Variants in MAGED1 observed in about 807,000 individuals in gnomAD.
MAGED1 encodes the protein MAGE family member D1.
Under a neutral mutation model 54.1 loss-of-function variants are expected in MAGED1, and 3 were observed. The observed-to-expected ratio is 0.06, with a 90% confidence interval of 0.03 to 0.14. MAGED1 has a LOEUF of 0.14. Ranked by LOEUF, MAGED1 falls within the 10% of genes least tolerant of loss-of-function variation. The pLI is 1.00. For synonymous variants in MAGED1, 217 were observed against 227.3 expected (o/e 0.95, Z 0.41); for missense variants, 485 against 623.4 (o/e 0.78, Z 2.36).
intron 1 of MAGED1, among the ~76,000 whole-genome samples, chrX:51,886,828 G>T (rs1375126724): frequency 9.0e-6 from 1 of 110,857 alleles, no homozygotes; most frequent in African/African-American, 3.3e-5. Context: ...GCTGAGGCGG[G>T]AGCAATCACT....
rs782683673 is a variant in MAGED1, at chrX:51,895,664, T to C, written c.657T>C (p.Ser219=). ...ACATAGAGACCGACCCAGGTATCTC[T>C]GAACCTGACGGTGCAACTGCACAGA... is the stretch of plus-strand genomic sequence containing the variant. The part of the protein sequence containing the change: ...QADIETDPGI[S]EPDGATAQTS... Residue 219 remains serine, a synonymous_variant, in exon 3 of 13, where the codon TCT becomes TCC. Transcript: ENST00000326587. 12 of 1,206,221 alleles carry C rather than the reference T, an allele frequency of 9.9e-6. No homozygotes were observed. In the Admixed American group the frequency reaches 2.6e-4, roughly 27 times the overall value.
At chrX:51,824,823 C>CAT (rs1303654415) in intron 1 of MAGED1, among the ~76,000 whole-genome samples, 18 of 73,302 alleles carry the variant, frequency 2.5e-4, no homozygotes, top group East Asian at 8.2e-4. Context: ...TGTATATATA[C>CAT]ATATATATAT....
At chrX:51,875,042 T>C (rs1167528086) in intron 1 of MAGED1, among the ~76,000 whole-genome samples, 1 of 111,083 alleles carries the variant, frequency 9.0e-6, no homozygotes, top group African/African-American at 3.3e-5. Flanking sequence ...TAAAGCTAAT[T>C]ATCCCTGACT....
At chrX:51,896,179 A>G in intron 3 of MAGED1, 1 of 426,065 alleles carries the variant, frequency 2.3e-6, no homozygotes, top group Admixed American at 4.2e-5. Context: ...CCAGTGGTGG[A>G]CATAGGAAGA....
chrX:51,849,841 T>G (rs1346241865), intron 1 of MAGED1, among the ~76,000 whole-genome samples: 2 of 111,983 alleles, frequency 1.8e-5, no homozygotes, highest in Admixed American at 9.5e-5. Flanking sequence ...TTTGGTTTAT[T>G]TATGTAATTT....
In MAGED1 at chrX:51,897,797, A is replaced by G. The variant is rs1557364483; in HGVS notation, c.1569A>G (p.Lys523=). 8.3e-7 allele frequency: 1 copy of G among 1,198,219 alleles called. No individual in the cohort carries two copies. The highest frequency in any genetic ancestry group is 1.1e-6 in the Non-Finnish European group (1 of 884,745). The change falls in exon 7 of 13, where the codon AAA becomes AAG. Residue 523 remains lysine, a splice_region_variant and synonymous_variant. Transcript: ENST00000326587. ...AGTCTGTTTTCTTGCCCCTGTAGAA[A>G]TTTGGGATTCAACTGAAAGAAATTG... is the stretch of plus-strand genomic sequence containing the variant. ...IERACFVLEK[K]FGIQLKEIDK... is the part of the protein sequence containing the mutation.
At chrX:51,815,726 G>A (rs945026136) in intron 1 of MAGED1, among the ~76,000 whole-genome samples, 2 of 109,826 alleles carry the variant, frequency 1.8e-5, no homozygotes, top group Non-Finnish European at 3.8e-5. Context: ...TCTCCATGTT[G>A]GTCAGGCTGG....
intron 1 of MAGED1, among the ~76,000 whole-genome samples, chrX:51,861,019 G>C (rs782800783): frequency 1.8e-5 from 2 of 110,784 alleles, no homozygotes; most frequent in Non-Finnish European, 3.8e-5. Flanking sequence ...CAAATGTAAA[G>C]CTCCTCTTCG....
At chrX:51,814,730 A>G (rs782189515) in intron 1 of MAGED1, among the ~76,000 whole-genome samples, 7 of 110,972 alleles carry the variant, frequency 6.3e-5, no homozygotes, top group South Asian at 3.9e-4. Context: ...TTGTAGTGCA[A>G]TGCGTTACTC....
At chrX:51,839,297 A>T (rs1486708088) in intron 1 of MAGED1, among the ~76,000 whole-genome samples, 1 of 111,971 alleles carries the variant, frequency 8.9e-6, no homozygotes, top group Non-Finnish European at 1.9e-5. Flanking sequence ...ATTTAAAGTT[A>T]CTAGTGTGTC....
chrX:51,857,259 A>G (rs782047281), intron 1 of MAGED1: 5 of 111,839 alleles, frequency 4.5e-5, no homozygotes, highest in Non-Finnish European at 7.5e-5. Flanking sequence ...GGGTAGAAAA[A>G]CTTTCCCAAT....
chrX:51,889,027 G>T (rs1311770789), upstream of MAGED1, among the ~76,000 whole-genome samples: 1 of 111,337 alleles, frequency 9.0e-6, no homozygotes, highest in African/African-American at 3.3e-5. Flanking sequence ...AATCTTTGTG[G>T]TGATGAAATA....
intron 1 of MAGED1, among the ~76,000 whole-genome samples, chrX:51,826,850 C>A (rs1268196543): frequency 1.8e-5 from 2 of 112,285 alleles, no homozygotes; most frequent in East Asian, 2.8e-4. Flanking sequence ...TGTAGTCTTA[C>A]CATATGATCC....
At chrX:51,864,837 A>G (rs1927407514) in intron 1 of MAGED1, among the ~76,000 whole-genome samples, 1 of 111,868 alleles carries the variant, frequency 8.9e-6, no homozygotes, top group Non-Finnish European at 1.9e-5. Flanking sequence ...TATTAGTTCT[A>G]ATAGTTTGTT....
At chrX:51,851,594 T>A (rs1926892999) in intron 1 of MAGED1, among the ~76,000 whole-genome samples, 1 of 109,930 alleles carries the variant, frequency 9.1e-6, no homozygotes. Context: ...TGTGGTCTCT[T>A]TCTCTCTTTT....
chrX:51,883,713 G>T (rs1217118400), intron 1 of MAGED1, among the ~76,000 whole-genome samples: 1 of 111,560 alleles, frequency 9.0e-6, no homozygotes, highest in African/African-American at 3.3e-5. Flanking sequence ...ATGTTTCAGT[G>T]AGCAATTGTG....
intron 1 of MAGED1, among the ~76,000 whole-genome samples, chrX:51,876,133 A>G (rs1167301894): frequency 9.0e-6 from 1 of 111,685 alleles, no homozygotes; most frequent in Non-Finnish European, 1.9e-5. Flanking sequence ...TGTGAAGAGC[A>G]TTGAAGAGCC....
intron 1 of MAGED1, among the ~76,000 whole-genome samples, chrX:51,805,809 G>A (rs945147603): frequency 2.8e-5 from 3 of 108,370 alleles, no homozygotes; most frequent in African/African-American, 6.7e-5. Context: ...CCGTCCATCC[G>A]TCCATCCATC....
chrX:51,804,851 C>T (rs782136668), intron 1 of MAGED1, among the ~76,000 whole-genome samples: 17 of 111,928 alleles, frequency 1.5e-4, no homozygotes, highest in Admixed American at 4.7e-4. Context: ...ACTGAGGGCA[C>T]ACACTATGCA....
Sources: allele counts gnomAD v4.1 joint callset (sites outside exome capture counted in the v4.1 genomes callset), GRCh38; gene constraint gnomAD v4.1.1; transcripts MANE v1.5; gene names NCBI Gene and HGNC (gene_info 2026-07-23, HGNC 2026-07-21).